ISM1: variants seen among roughly 807,000 people sequenced by gnomAD.
ISM1 encodes the protein isthmin 1, also known as isthmin-1.
Under a neutral mutation model 46.3 loss-of-function variants are expected in ISM1, and 25 were observed. That is an observed-to-expected ratio of 0.54 (90% CI 0.39 to 0.75). The LOEUF (loss-of-function observed/expected upper bound fraction) is 0.75. Ranked by LOEUF, ISM1 falls within the 30% of genes least tolerant of loss-of-function variation. The probability of loss-of-function intolerance (pLI) is 0.00; values close to 1 mark genes in which losing one functional copy is unlikely to be tolerated. For missense variants in ISM1, 536 were observed against 625.4 expected (o/e 0.86, Z 1.52); for synonymous variants, 255 against 256.7 (o/e 0.99, Z 0.06).
the ISM1 span, among the ~76,000 whole-genome samples, chr20:13,313,798 T>A: frequency 1.2e-4 from 19 of 152,178 alleles, no homozygotes; most frequent in Non-Finnish European, 2.2e-4. Flanking sequence ...AGAGCCAGAC[T>A]CAGATATGGC....
At chr20:13,260,004 C>T (rs2039970226) in intron 1 of ISM1, among the ~76,000 whole-genome samples, 1 of 152,220 alleles carries the variant, frequency 6.6e-6, no homozygotes. Context: ...ATAGAGCTAA[C>T]AGCCCAGCTT....
chr20:13,265,607 C>T (rs941401519), intron 1 of ISM1, among the ~76,000 whole-genome samples: 6 of 152,162 alleles, frequency 3.9e-5, no homozygotes, highest in Non-Finnish European at 7.3e-5. Flanking sequence ...CCAAGCTCTG[C>T]ACTCAATCCA....
chr20:13,279,833 C>G lies in ISM1; in HGVS notation c.578C>G (p.Pro193Arg), dbSNP rs3747933. 5.3e-3 allele frequency: 8,503 copies of G among 1,613,882 alleles called. 302 individuals carry two copies. The Admixed American group carries it at 0.073, about 14-fold the overall frequency. ...TSDDSNFLNPPRGWDHTAPGH... is the reference protein window; with the variant it reads ...TSDDSNFLNPRRGWDHTAPGH... ...GACGACAGCAACTTCCTCAACCCCCCCAGGGGGTGGGACCATACAGCCCCA... is the reference window on the plus strand; with the variant it reads ...GACGACAGCAACTTCCTCAACCCCCGCAGGGGGTGGGACCATACAGCCCCA... The change falls in exon 3 of 6, where the codon CCC becomes CGC. Residue 193 changes from proline (P) to arginine (R), a missense_variant. Around this residue, in one of 2 missense-constraint regions of ISM1, gnomAD observed 367 missense variants for 376.1 expected, o/e 0.98. Transcript: ENST00000262487.
chr20:13,225,001 A>T (rs752821352), intron 1 of ISM1, among the ~76,000 whole-genome samples: 3 of 145,072 alleles, frequency 2.1e-5, no homozygotes, highest in East Asian at 2.0e-4. Flanking sequence ...GCCTGCCACC[A>T]CGCCCGGCTA....
At chr20:13,319,751 C>G in the ISM1 span, among the ~76,000 whole-genome samples, 1 of 152,354 alleles carries the variant, frequency 6.6e-6, no homozygotes, top group East Asian at 1.9e-4. Flanking sequence ...TGCACACACA[C>G]ACTCTAGAGG....
At chr20:13,243,271 C>T (rs1332170754) in intron 1 of ISM1, among the ~76,000 whole-genome samples, 1 of 152,178 alleles carries the variant, frequency 6.6e-6, no homozygotes, top group Non-Finnish European at 1.5e-5. Flanking sequence ...CAGTTCCATG[C>T]AGTCATTCAG....
At chr20:13,270,849 C>A in intron 2 of ISM1, 106 bp downstream of exon 2, 1 of 1,029,756 alleles carries the variant, frequency 9.7e-7, no homozygotes, top group Admixed American at 2.2e-5. Context: ...CTTCTTAACC[C>A]CTTAATGATT....
intron 4 of ISM1, among the ~76,000 whole-genome samples, chr20:13,290,855 A>G (rs2040346075): frequency 1.3e-5 from 2 of 152,248 alleles, no homozygotes; most frequent in African/African-American, 4.8e-5. Context: ...AGCTATAGTA[A>G]CTGAGGCATA....
Position 13,253,323 on chromosome 20 carries a change from T to C in ISM1, c.139-17181T>C, listed in dbSNP as rs561124526. ...TCTGCCTTCCCTCACGGTGTTATCA[T>C]AGGGGCATTCCTGAGGAGTGGGTGA... is the stretch of plus-strand genomic sequence containing the variant. On this transcript the variant is annotated intron_variant, in intron 1 of 5. Coordinates refer to ENST00000262487, the MANE Select transcript of ISM1 (RefSeq NM_080826.2). Among the ~76,000 whole-genome samples the C allele has an allele frequency of 8.0e-5, 12 of 149,378 alleles. 1 individual carries two copies. In the East Asian group the frequency reaches 1.6e-3, roughly 20 times the overall value.
rs3827705 is a variant in ISM1 at position 13,288,601 on chromosome 20, C to T, written c.705C>T (p.Asn235=). 0.047 allele frequency: 76,389 copies of T among 1,613,828 alleles called. 2,552 individuals are homozygous for T. The highest frequency in any genetic ancestry group is 0.19 in the East Asian group (8,410 of 44,842). The change falls in exon 4 of 6, where the codon AAC becomes AAT. Residue 235 remains asparagine, a synonymous_variant. Transcript: ENST00000262487. ...CTGTCTGCAGCGTCACCTGCGGGAA[C>T]GGCAACCAGAAACGGACCCGGTCTT... The part of the protein sequence containing the change: ...LWSVCSVTCG[N]GNQKRTRSCG...
the ISM1 span, among the ~76,000 whole-genome samples, chr20:13,314,995 C>A: frequency 6.6e-6 from 1 of 151,752 alleles, no homozygotes; most frequent in African/African-American, 2.4e-5. Context: ...ATGTACATTG[C>A]AAAATCTAGA....
At chr20:13,305,305 T>C (rs574224727), downstream of ISM1, among the ~76,000 whole-genome samples, 4 of 152,240 alleles carry the variant, frequency 2.6e-5, no homozygotes, top group African/African-American at 7.2e-5. Context: ...TCCATAATTT[T>C]AGAATTAATT....
At chr20:13,307,409 A>G in the ISM1 span, among the ~76,000 whole-genome samples, 1 of 152,262 alleles carries the variant, frequency 6.6e-6, no homozygotes, top group African/African-American at 2.4e-5. Flanking sequence ...AAGAAAAAAC[A>G]GAATATAAGG....
intron 2 of ISM1, among the ~76,000 whole-genome samples, chr20:13,274,908 A>G (rs1237542280): frequency 2.6e-5 from 4 of 152,218 alleles, no homozygotes; most frequent in African/African-American, 9.6e-5. Context: ...TCTCCATATG[A>G]AATTTAAAAC....
Position 13,267,933 on chromosome 20 carries a change from A to G in ISM1, c.139-2571A>G, listed in dbSNP as rs142051928. ...CCCCTTCCAAGATTTGTAATCCTAAATCCTGCACAAGAAATTCTCCATGAC... is the reference window on the plus strand; with the variant it reads ...CCCCTTCCAAGATTTGTAATCCTAAGTCCTGCACAAGAAATTCTCCATGAC... On this transcript the variant is annotated intron_variant, in intron 1 of 5. Transcript: ENST00000262487. Among the ~76,000 whole-genome samples the G allele has an allele frequency of 2.3e-3, 343 of 152,330 alleles. 3 individuals are homozygous for G. Among genetic ancestry groups the G allele is most frequent in the Admixed American group, 0.017 (267 of 15,302 alleles).
chr20:13,244,475 T>A (rs958319889), intron 1 of ISM1: 1 of 152,126 alleles, frequency 6.6e-6, no homozygotes, highest in Non-Finnish European at 1.5e-5. Context: ...TACAAATTAT[T>A]TGGTAAGGCA....
At chr20:13,290,505 C>T (rs1337940255) in intron 4 of ISM1, among the ~76,000 whole-genome samples, 2 of 151,868 alleles carry the variant, frequency 1.3e-5, no homozygotes, top group Non-Finnish European at 2.9e-5. Flanking sequence ...AAATATTAGT[C>T]GGGCATGGTG....
intron 5 of ISM1, among the ~76,000 whole-genome samples, chr20:13,294,307 A>C (rs1271530075): frequency 6.6e-6 from 1 of 152,202 alleles, no homozygotes; most frequent in African/African-American, 2.4e-5. Context: ...TCATCCCTCC[A>C]ATCCCTTCAC....
At position 13,221,707 on chromosome 20, in the gene ISM1, T is replaced by A. The variant is rs1479571154; in HGVS notation, c.-70T>A. 7.8e-7 allele frequency: 1 copy of A among 1,276,530 alleles called. No individual in the cohort carries two copies. The highest frequency in any genetic ancestry group is 3.9e-5 in the Admixed American group (1 of 25,732). The allele number at this position is 1,276,530 out of a possible 1,614,324, so 79.1% of individuals were successfully genotyped here. A position where few individuals can be genotyped will look rare whatever the true frequency, so the allele number is the denominator to read the frequency against. ...TGCCGGGCTCCCGGGCTCCTACTCC[T>A]CCTCCCCCGGCGTCACCGCCGCCGC... On this transcript the variant is annotated 5_prime_UTR_variant, in exon 1 of 6. Transcript: ENST00000262487.
Sources: gnomAD v4.1 joint callset for allele counts (sites outside exome capture counted in the v4.1 genomes callset) on GRCh38, gnomAD v4.1.1 for gene constraint, gnomAD v4.1.1 regional missense constraint, MANE v1.5 for transcripts, NCBI Gene and HGNC (gene_info 2026-07-23, HGNC 2026-07-21) for gene names.